MICAL3: variants seen among roughly 807,000 people sequenced by gnomAD.
MICAL3 encodes the protein microtubule associated monooxygenase, calponin and LIM domain containing 3, also known as [F-actin]-monooxygenase MICAL3.
MICAL3 carries 62 observed loss-of-function variants against 207.4 expected under a neutral mutation model. The observed-to-expected ratio is 0.30, with a 90% CI of 0.24 to 0.37. MICAL3 has a LOEUF of 0.37. Among genes scored for constraint, MICAL3 ranks in the 10% least tolerant of loss-of-function variants. The pLI is 1.00. For missense variants in MICAL3, 2,368 were observed against 2,635.6 expected (o/e 0.90, Z 2.22); for synonymous variants, 1,077 against 1,069.3 (o/e 1.01, Z -0.14).
chr22:17,974,542 T>C (rs1451385802), intron 1 of MICAL3, among the ~76,000 whole-genome samples: 1 of 152,072 alleles, frequency 6.6e-6, no homozygotes, highest in Non-Finnish European at 1.5e-5. Flanking sequence ...CTGGCCAACA[T>C]GGCAAAACCT....
At chr22:17,914,851 A>G (rs960593179) in intron 1 of MICAL3, among the ~76,000 whole-genome samples, 1 of 152,196 alleles carries the variant, frequency 6.6e-6, no homozygotes, top group Non-Finnish European at 1.5e-5. Context: ...CTTGCACCCC[A>G]GCCATCAGCA....
At position 17,841,990 on chromosome 22, in the gene MICAL3, G is replaced by A. The variant is rs766558437; in HGVS notation, c.2633C>T (p.Pro878Leu). The change falls in exon 20 of 32, where the codon CCC (proline) becomes CTC (leucine). Residue 878 changes from proline (P) to leucine (L), a missense_variant. Pro to Leu is a moderately conservative substitution (Grantham distance 98, BLOSUM62 -3). Coordinates refer to ENST00000441493, the MANE Select transcript of MICAL3 (RefSeq NM_015241.3). The surrounding 1 kb of genome is among the most constrained non-coding windows in gnomAD (Gnocchi z 4.2). ...GCCCCTCAGTCGCTTGGCGATGCTG[G>A]GCTCCTCCAGGCCGTTCACGCCTGA... Reference protein sequence around the residue: ...PGSGVNGLEEPSIAKRLRGTP... With the variant: ...PGSGVNGLEELSIAKRLRGTP... The A allele has an allele frequency of 1.9e-6, 3 of 1,604,230 alleles. No individual in the cohort carries two copies. In the East Asian group the frequency reaches 6.7e-5, roughly 36 times the overall value.
intron 1 of MICAL3, chr22:18,004,259 CT>C (rs540047525): frequency 0.028 from 3,967 of 143,866 alleles, 48 homozygotes; most frequent in Middle Eastern, 0.11. Context: ...ATATACATTT[CT>C]TTTTTTTTTT....
At chr22:17,968,672 A>C (rs5992928) in intron 1 of MICAL3, among the ~76,000 whole-genome samples, 33,597 of 151,986 alleles carry the variant, frequency 0.22, 3,927 homozygotes, top group Middle Eastern at 0.28. Context: ...TAATGCCCCA[A>C]CGAGCCGCTG....
chr22:17,924,359 A>G (rs764734880), intron 1 of MICAL3, among the ~76,000 whole-genome samples: 10 of 152,220 alleles, frequency 6.6e-5, no homozygotes, highest in Non-Finnish European at 1.3e-4. Context: ...TCAGGTACAG[A>G]TTAAATATAC....
At chr22:17,997,104 G>A (rs1049720276) in intron 1 of MICAL3, among the ~76,000 whole-genome samples, 3 of 133,472 alleles carry the variant, frequency 2.2e-5, no homozygotes, top group African/African-American at 8.5e-5. Flanking sequence ...CACCCAGGCT[G>A]GAGTGCTGGA....
At chr22:17,836,078 C>T (rs528565210) in intron 20 of MICAL3, among the ~76,000 whole-genome samples, 2 of 152,362 alleles carry the variant, frequency 1.3e-5, no homozygotes, top group East Asian at 3.9e-4. Context: ...CAACTCAAAG[C>T]ACCTGCTCTG....
rs115618311 is a variant in MICAL3 at position 17,916,564 on chromosome 22, T to C, written c.-74-9678A>G. On this transcript the variant is annotated intron_variant, in intron 1 of 31. Coordinates refer to ENST00000441493, the MANE Select transcript of MICAL3 (RefSeq NM_015241.3). The stretch of plus-strand genomic sequence containing the variant: ...CTCAGCCCTCCACAGAAATGCCTCA[T>C]CAAGGTCATGAATGACTTCCATGCT... Among the ~76,000 whole-genome samples the C allele has an allele frequency of 6.0e-3, 916 of 152,300 alleles. 13 individuals carry two copies. Among genetic ancestry groups the C allele is most frequent in the African/African-American group, 0.021 (856 of 41,558 alleles).
At chr22:17,918,617 C>G (rs552672027) in intron 1 of MICAL3, among the ~76,000 whole-genome samples, 1 of 152,102 alleles carries the variant, frequency 6.6e-6, no homozygotes, top group Admixed American at 6.5e-5. Flanking sequence ...AAAAACAGTT[C>G]TGACCTCATG....
At chr22:17,910,767 C>T (rs887770523) in intron 1 of MICAL3, among the ~76,000 whole-genome samples, 4 of 152,190 alleles carry the variant, frequency 2.6e-5, no homozygotes, top group Middle Eastern at 3.2e-3. Context: ...CCGGCATTCT[C>T]CTTGGCTCTG....
chr22:17,803,600 A>T (rs2061961374), intron 29 of MICAL3: 1 of 153,752 alleles, frequency 6.5e-6, no homozygotes, highest in South Asian at 2.1e-4. Flanking sequence ...GACCCCAGGC[A>T]GCAAAAGCAA....
intron 1 of MICAL3, among the ~76,000 whole-genome samples, chr22:17,956,204 C>A (rs1054642805): frequency 6.6e-6 from 1 of 152,226 alleles, no homozygotes; most frequent in Non-Finnish European, 1.5e-5. Context: ...AGAGCCCACT[C>A]CTCCGGGGCC....
intron 1 of MICAL3, among the ~76,000 whole-genome samples, chr22:17,973,845 T>C (rs948172665): frequency 7.2e-5 from 11 of 152,060 alleles, no homozygotes; most frequent in Admixed American, 6.6e-5. Context: ...CATTTGCACC[T>C]GGGAGGTCGA....
At chr22:17,988,692 G>A (rs1414977415) in intron 1 of MICAL3, among the ~76,000 whole-genome samples, 5 of 152,052 alleles carry the variant, frequency 3.3e-5, no homozygotes, top group African/African-American at 9.7e-5. Flanking sequence ...TCCTGACCTC[G>A]TAATCCACCC....
chr22:17,820,912 A>T (rs9605412), intron 25 of MICAL3, among the ~76,000 whole-genome samples: 5 of 83,116 alleles, frequency 6.0e-5, no homozygotes, highest in Non-Finnish European at 1.2e-4. Flanking sequence ...ATAAATTTAT[A>T]TTTATAAACA....
At chr22:17,903,771 G>A (rs965701166) in intron 3 of MICAL3, among the ~76,000 whole-genome samples, 9 of 152,190 alleles carry the variant, frequency 5.9e-5, no homozygotes, top group African/African-American at 1.4e-4. Flanking sequence ...GCCAGCCAGC[G>A]TCTGATAAAT....
At chr22:17,914,875 G>C (rs1226178549) in intron 1 of MICAL3, among the ~76,000 whole-genome samples, 1 of 152,204 alleles carries the variant, frequency 6.6e-6, no homozygotes, top group Admixed American at 6.5e-5. Context: ...CCTATGAGGA[G>C]TCAATGACAA....
intron 19 of MICAL3, among the ~76,000 whole-genome samples, chr22:17,859,585 C>T (rs967755510): frequency 6.6e-6 from 1 of 152,254 alleles, no homozygotes; most frequent in Non-Finnish European, 1.5e-5. Flanking sequence ...CCCAGCTTAG[C>T]GTCCAGGTCA....
chr22:17,828,271 G>A (rs1218426927), intron 21 of MICAL3, among the ~76,000 whole-genome samples: 1 of 152,248 alleles, frequency 6.6e-6, no homozygotes, highest in Admixed American at 6.5e-5. Context: ...CACTCGCCCA[G>A]CTGATGGCCA....
Sources: gnomAD v4.1 joint callset for allele counts (sites outside exome capture counted in the v4.1 genomes callset) on GRCh38, gnomAD v4.1.1 for gene constraint, Gnocchi (gnomAD v3.1) non-coding constraint, MANE v1.5 for transcripts, NCBI Gene and HGNC (gene_info 2026-07-23, HGNC 2026-07-21) for gene names.